Variants in BHMT2 observed in about 807,000 individuals in gnomAD.
The protein encoded by BHMT2 is betaine--homocysteine S-methyltransferase 2, also known as S-methylmethionine--homocysteine S-methyltransferase BHMT2.
Under a neutral mutation model 39.0 loss-of-function variants are expected in BHMT2, and 28 were observed. The observed-to-expected ratio is 0.72, with a 90% confidence interval of 0.53 to 0.98. The LOEUF (loss-of-function observed/expected upper bound fraction) is 0.98, where lower values mean the gene tolerates loss of function less well. Among genes scored for constraint, BHMT2 ranks in the 50% least tolerant of loss-of-function variants. The pLI is 0.00. For missense variants in BHMT2, 410 were observed against 455.6 expected (o/e 0.90, Z 0.91); for synonymous variants, 145 against 160.6 (o/e 0.90, Z 0.74).
At chr5:79,079,827 T>C (rs1755752284) in intron 3 of BHMT2, among the ~76,000 whole-genome samples, 1 of 150,980 alleles carries the variant, frequency 6.6e-6, no homozygotes, top group Non-Finnish European at 1.5e-5. Context: ...ACCTGGGAGA[T>C]AGCATTGAGC....
At chr5:79,088,090 G>C (rs1755934251) in intron 7 of BHMT2, among the ~76,000 whole-genome samples, 1 of 152,166 alleles carries the variant, frequency 6.6e-6, no homozygotes. Context: ...TGAGGCAGGA[G>C]GATTGCTTGA....
chr5:79,087,838 A>T (rs546482463), intron 7 of BHMT2, among the ~76,000 whole-genome samples: 2 of 152,370 alleles, frequency 1.3e-5, no homozygotes, highest in Admixed American at 6.5e-5. Flanking sequence ...TGATAGAGTT[A>T]GAAGGACTCT....
rs371556847 is a variant in BHMT2, at chr5:79,080,682, C to T, written c.259-5C>T. On this transcript the variant is annotated splice_region_variant and splice_polypyrimidine_tract_variant and intron_variant, in intron 3 of 7. Transcript: ENST00000255192. The stretch of plus-strand genomic sequence containing the variant: ...ACTATCTGAACTCTTGCTCTCTAAC[C>T]TCAGTGGGAAGATGTAAATGCTGCT... The T allele has an allele frequency of 9.5e-6, 15 of 1,577,962 alleles. No individual in the cohort carries two copies. In the African/African-American group the frequency reaches 1.1e-4, roughly 12 times the overall value.
intron 7 of BHMT2, among the ~76,000 whole-genome samples, chr5:79,084,570 C>T (rs755467530): frequency 1.3e-5 from 2 of 152,146 alleles, no homozygotes; most frequent in Non-Finnish European, 2.9e-5. Flanking sequence ...GGCACTAGTC[C>T]CATTCATCAG....
At chr5:79,071,822 T>TAAAAAAAAAA (rs60114073) in intron 1 of BHMT2, among the ~76,000 whole-genome samples, 2 of 103,576 alleles carry the variant, frequency 1.9e-5, no homozygotes, top group Admixed American at 1.1e-4. Flanking sequence ...AACTTAAAAG[T>TAAAAAAAAAA]AAAAAAAAAA....
intron 7 of BHMT2, among the ~76,000 whole-genome samples, chr5:79,086,341 T>C (rs1220600690): frequency 1.3e-5 from 2 of 152,182 alleles, no homozygotes; most frequent in Non-Finnish European, 2.9e-5. Flanking sequence ...CATTGTTCTC[T>C]TGTGGTCCAG....
intron 4 of BHMT2, among the ~76,000 whole-genome samples, chr5:79,081,511 A>G (rs557302): frequency 0.43 from 65,456 of 152,000 alleles, 15,719 homozygotes; most frequent in East Asian, 0.61. Context: ...ATTTCCCAAC[A>G]TAACTGCTAC....
rs1471398559 is a variant in BHMT2 at position 79,077,502 on chromosome 5, G to A, written c.56G>A (p.Ser19Asn). ...AKKGILERLE[S>N]GEVVIGDGSF... is the part of the protein sequence containing the mutation. ...CAGGGGATTTTGGAGCGCCTGGAGA[G>A]TGGGGAGGTTGTGATTGGAGATGGC... The change falls in exon 2 of 8, where the codon AGT (serine) becomes AAT (asparagine). Residue 19 changes from serine (S) to asparagine (N), a missense_variant. Physicochemically the swap from Ser to Asn is conservative, Grantham distance 46 (BLOSUM62 1). Transcript: ENST00000255192. The A allele has an allele frequency of 1.2e-6, 2 of 1,613,900 alleles. No homozygotes were observed. The highest frequency in any genetic ancestry group is 2.2e-5 in the East Asian group (1 of 44,872).
At chr5:79,072,078 A>G (rs1755591072) in intron 1 of BHMT2, among the ~76,000 whole-genome samples, 1 of 152,006 alleles carries the variant, frequency 6.6e-6, no homozygotes, top group African/African-American at 2.4e-5. Flanking sequence ...ACCACACTGG[A>G]CAACATGGTG....
chr5:79,071,753 C>T (rs1474365284), intron 1 of BHMT2, among the ~76,000 whole-genome samples: 1 of 150,522 alleles, frequency 6.6e-6, no homozygotes, highest in African/African-American at 2.5e-5. Context: ...TATAGCAAAC[C>T]TCCAATGATG....
intron 3 of BHMT2, among the ~76,000 whole-genome samples, chr5:79,080,425 GCATAGAC>G (rs1390956729): frequency 2.0e-5 from 3 of 152,260 alleles, no homozygotes; most frequent in African/African-American, 7.2e-5. Context: ...TGATACAAAG[GCATAGAC>G]CCTATCTGGA....
chr5:79,087,012 G>GTATATATATATATATA (rs1237997664), intron 7 of BHMT2, among the ~76,000 whole-genome samples: 3 of 108,144 alleles, frequency 2.8e-5, no homozygotes, highest in Admixed American at 9.3e-5. Flanking sequence ...GTGTGTGTGT[G>GTATATATATATATATA]TGTATATATA....
intron 6 of BHMT2, 55 bp from the exon 7 acceptor site, chr5:79,083,573 C>G: frequency 6.3e-7 from 1 of 1,592,682 alleles, no homozygotes; most frequent in Non-Finnish European, 8.6e-7. Flanking sequence ...ATTAGAGCAT[C>G]CATCATTTGA....
chr5:79,081,153 A>G (rs1241321966), intron 4 of BHMT2, among the ~76,000 whole-genome samples: 2 of 152,162 alleles, frequency 1.3e-5, no homozygotes, highest in East Asian at 3.9e-4. Context: ...GGGGGACTCT[A>G]CAACCTATAA....
Position 79,080,825 on chromosome 5 carries a change from C to G in BHMT2, c.397C>G (p.Arg133Gly). 6.2e-7 allele frequency: 1 copy of G among 1,605,182 alleles called. No individual in the cohort carries two copies. Among genetic ancestry groups the G allele is most frequent in the Non-Finnish European group, 8.5e-7 (1 of 1,177,388 alleles). ...KDEARIKKLFRQQLEVFAWKN... is the reference protein window; with the variant it reads ...KDEARIKKLFGQQLEVFAWKN... ...TGAAGCTAGAATTAAAAAACTTTTT[C>G]GACAACAGCTAGAAGTTTTTGCCTG... is the stretch of plus-strand genomic sequence containing the variant. Residue 133 changes from arginine (R) to glycine (G), a missense_variant, in exon 4 of 8, where the codon CGA becomes GGA. Arg to Gly is a moderately radical substitution (Grantham distance 125). Transcript: ENST00000255192.
At chr5:79,080,037 T>C (rs956528473) in intron 3 of BHMT2, among the ~76,000 whole-genome samples, 2 of 152,236 alleles carry the variant, frequency 1.3e-5, no homozygotes, top group Non-Finnish European at 2.9e-5. Context: ...AAGCACTTCA[T>C]AGATGCTCTT....
intron 7 of BHMT2, among the ~76,000 whole-genome samples, chr5:79,085,364 C>T (rs1755873130): frequency 6.6e-6 from 1 of 152,202 alleles, no homozygotes; most frequent in South Asian, 2.1e-4. Flanking sequence ...CTTTATTTCA[C>T]AGATAGTCTC....
rs1755960207 is a variant in BHMT2 at position 79,088,837 on chromosome 5, A to G, written c.*263A>G. ...TTGTTCTCCAAGAACTTACTGTCCAATCATGCTGTGGTGCATTCCTTTGAA... is the reference window on the plus strand; with the variant it reads ...TTGTTCTCCAAGAACTTACTGTCCAGTCATGCTGTGGTGCATTCCTTTGAA... On this transcript the variant is annotated 3_prime_UTR_variant, in exon 8 of 8. Coordinates refer to ENST00000255192, the MANE Select transcript of BHMT2 (RefSeq NM_017614.5). 3.1e-6 allele frequency: 1 copy of G among 327,268 alleles called. No individual in the cohort carries two copies. The highest frequency in any genetic ancestry group is 5.7e-6 in the Non-Finnish European group (1 of 176,074). 20.3% of individuals were successfully genotyped at this position (327,268 alleles called of 1,614,324 possible). A position where few individuals can be genotyped will look rare whatever the true frequency, so the allele number is the denominator to read the frequency against.
chr5:79,077,680 T>A (rs1477654784), intron 2 of BHMT2, 68 bp downstream of exon 2: 3 of 1,535,268 alleles, frequency 2.0e-6, no homozygotes, highest in Admixed American at 2.0e-5. Flanking sequence ...TGAGAGAAGA[T>A]CAAGAAAAAA....
Sources: allele counts gnomAD v4.1 joint callset (sites outside exome capture counted in the v4.1 genomes callset), GRCh38; gene constraint gnomAD v4.1.1; transcripts MANE v1.5; gene names NCBI Gene and HGNC (gene_info 2026-07-23, HGNC 2026-07-21).